ACVR2A: variants seen among roughly 807,000 people sequenced by gnomAD.
ACVR2A encodes activin receptor type-2A.
A neutral mutation model predicts 61.4 loss-of-function variants in ACVR2A; 7 were observed. That is an observed-to-expected ratio of 0.11 (90% CI 0.06 to 0.21). ACVR2A has a LOEUF of 0.21. Among genes scored for constraint, ACVR2A ranks in the 10% least tolerant of loss-of-function variants. The pLI is 1.00. For missense variants in ACVR2A, 322 were observed against 621.7 expected, an observed-to-expected ratio of 0.52 and a Z score of 5.13; for synonymous variants, 193 against 208.3, an observed-to-expected ratio of 0.93 and a Z score of 0.63.
At chr2:147,897,683 A>G (rs1409839539) in intron 2 of ACVR2A, among the ~76,000 whole-genome samples, 2 of 152,206 alleles carry the variant, frequency 1.3e-5, no homozygotes, top group Non-Finnish European at 2.9e-5. Flanking sequence ...CTAAGAGCAA[A>G]ATGCATTGAA....
intron 1 of ACVR2A, among the ~76,000 whole-genome samples, chr2:147,868,709 A>C (rs932705324): frequency 1.4e-4 from 22 of 151,752 alleles, no homozygotes; most frequent in African/African-American, 5.3e-4. Flanking sequence ...ATGGCTTACT[A>C]CAGCCTCCAC....
At position 147,918,599 on chromosome 2, in the gene ACVR2A, T is replaced by C; in HGVS notation, c.962+7T>C. On this transcript the variant is annotated splice_region_variant and intron_variant, in intron 7 of 10. Transcript: ENST00000241416. ...AACCTGCCATATCTCACAGGTAGACTAAATTTATATTGTTTTCCCAGATAA... is the reference window on the plus strand; with the variant it reads ...AACCTGCCATATCTCACAGGTAGACCAAATTTATATTGTTTTCCCAGATAA... 2 of 1,591,964 alleles carry C rather than the reference T, an allele frequency of 1.3e-6. No homozygotes were observed. Among genetic ancestry groups the C allele is most frequent in the Non-Finnish European group, 1.7e-6 (2 of 1,172,234 alleles).
chr2:147,892,981 CATATT>C (rs1686627489), intron 1 of ACVR2A, among the ~76,000 whole-genome samples: 1 of 152,000 alleles, frequency 6.6e-6, no homozygotes, highest in Non-Finnish European at 1.5e-5. Flanking sequence ...ATGAACCATA[CATATT>C]ATACAATCAT....
intron 1 of ACVR2A, among the ~76,000 whole-genome samples, chr2:147,855,495 C>T (rs1685548709): frequency 6.6e-6 from 1 of 152,168 alleles, no homozygotes; most frequent in Non-Finnish European, 1.5e-5. Context: ...ATCTGAAAAA[C>T]ATACTGGAAG....
At chr2:147,924,910 C>T (rs1363705534) in intron 9 of ACVR2A, among the ~76,000 whole-genome samples, 1 of 151,822 alleles carries the variant, frequency 6.6e-6, no homozygotes, top group East Asian at 1.9e-4. Context: ...CTTAGAATGT[C>T]GGTACTTTGT....
At chr2:147,913,672 C>CT (rs1236398264) in intron 4 of ACVR2A, among the ~76,000 whole-genome samples, 1 of 151,374 alleles carries the variant, frequency 6.6e-6, no homozygotes, top group Non-Finnish European at 1.5e-5. Flanking sequence ...TAAAAACTCT[C>CT]TAGAGGTTCT....
chr2:147,893,985 T>C (rs1686660842), intron 1 of ACVR2A, among the ~76,000 whole-genome samples: 1 of 152,172 alleles, frequency 6.6e-6, no homozygotes, highest in African/African-American at 2.4e-5. Flanking sequence ...GGAAGTTTAA[T>C]AGTTTCAGGT....
rs1340759058 is a variant in ACVR2A at position 147,927,454 on chromosome 2, A to C, written c.*180A>C. On this transcript the variant is annotated 3_prime_UTR_variant, in exon 11 of 11. Coordinates refer to ENST00000241416, the MANE Select transcript of ACVR2A (RefSeq NM_001616.5). The stretch of plus-strand genomic sequence containing the variant: ...GGAGACTTACTGCATTGCCGACAGC[A>C]CAGATGTGAAGGACATGAGACTAAG... 1 of 574,776 alleles carries C rather than the reference A, an allele frequency of 1.7e-6. No individual in the cohort carries two copies. The highest frequency in any genetic ancestry group is 3.7e-5 in the Admixed American group (1 of 27,162). 35.6% of individuals were successfully genotyped at this position (574,776 alleles called of 1,614,324 possible). A position where few individuals can be genotyped will look rare whatever the true frequency, so the allele number is the denominator to read the frequency against.
chr2:147,869,030 A>G (rs113544138), intron 1 of ACVR2A, among the ~76,000 whole-genome samples: 130 of 152,266 alleles, frequency 8.5e-4, no homozygotes, highest in African/African-American at 3.0e-3. Context: ...CATTTTGGGT[A>G]TAAGTACTTT....
At position 147,922,853 on chromosome 2, in the gene ACVR2A, A is replaced by G. The variant is rs1369795085; in HGVS notation, c.1078-120A>G. 6 of 921,038 alleles carry G rather than the reference A, an allele frequency of 6.5e-6. 1 individual carries two copies. The highest frequency in any genetic ancestry group is 1.0e-5 in the Non-Finnish European group (6 of 601,122). 57.1% of individuals were successfully genotyped at this position (921,038 alleles called of 1,614,324 possible). A position where few individuals can be genotyped will look rare whatever the true frequency, so the allele number is the denominator to read the frequency against. On this transcript the variant is annotated intron_variant, in intron 8 of 10. Transcript: ENST00000241416. ...GAAAGGATCTTTCTATTTATACGCT[A>G]TAGTGTGTATACCTTACCCTGGTAA... is the stretch of plus-strand genomic sequence containing the variant.
chr2:147,912,316 G>C (rs1327762593), intron 4 of ACVR2A, among the ~76,000 whole-genome samples: 2 of 152,008 alleles, frequency 1.3e-5, no homozygotes, highest in Non-Finnish European at 2.9e-5. Context: ...AATGTAATCA[G>C]AACTGTGTTT....
chr2:147,920,838 G>T (rs1687362531), intron 8 of ACVR2A, among the ~76,000 whole-genome samples: 2 of 151,906 alleles, frequency 1.3e-5, no homozygotes, highest in South Asian at 4.2e-4. Flanking sequence ...ATTCTCTCCA[G>T]AGTTCAGAGC....
chr2:147,844,694 G>C (rs1373996989), upstream of ACVR2A: 2 of 150,180 alleles, frequency 1.3e-5, no homozygotes, highest in African/African-American at 4.9e-5. Flanking sequence ...GACTTTAGGT[G>C]TCTGGGTTGA....
rs558662777 is a variant in ACVR2A, at chr2:147,847,461, T to A, written c.55+2254T>A. The stretch of plus-strand genomic sequence containing the variant: ...GAGGTGACTATTTTTATGAGAATTT[T>A]AAAAATTCTCAGGTTGTCAGTTTTT... On this transcript the variant is annotated intron_variant, in intron 1 of 10. Transcript: ENST00000241416. Among the ~76,000 whole-genome samples, 9 of 152,210 alleles carry A rather than the reference T, an allele frequency of 5.9e-5. No individual in the cohort carries two copies. The East Asian group carries it at 1.7e-3, about 29-fold the overall frequency.
chr2:147,871,770 G>C (rs1686024925), intron 1 of ACVR2A, among the ~76,000 whole-genome samples: 1 of 151,898 alleles, frequency 6.6e-6, no homozygotes, highest in Admixed American at 6.6e-5. Flanking sequence ...AGACAAACTT[G>C]CCTTCTACTC....
chr2:147,853,329 A>G (rs1204383047), intron 1 of ACVR2A, among the ~76,000 whole-genome samples: 2 of 152,152 alleles, frequency 1.3e-5, no homozygotes, highest in South Asian at 2.1e-4. Context: ...AATTCTAAAC[A>G]TTAGTGGCTC....
chr2:147,922,091 C>T (rs1687394213), intron 8 of ACVR2A, among the ~76,000 whole-genome samples: 1 of 126,474 alleles, frequency 7.9e-6, no homozygotes, highest in Non-Finnish European at 1.8e-5. Flanking sequence ...TTTAGGGAAA[C>T]ATTCACTGAT....
chr2:147,873,892 T>C (rs1686089573), intron 1 of ACVR2A, among the ~76,000 whole-genome samples: 1 of 151,974 alleles, frequency 6.6e-6, no homozygotes, highest in Non-Finnish European at 1.5e-5. Context: ...AGAGAAGTAG[T>C]TATTCATGAA....
At chr2:147,887,807 A>G (rs563281045) in intron 1 of ACVR2A, among the ~76,000 whole-genome samples, 236 of 152,330 alleles carry the variant, frequency 1.5e-3, no homozygotes, top group Non-Finnish European at 2.8e-3. Flanking sequence ...TGATTTAAAA[A>G]TCAGTGAGTA....
Sources: allele counts gnomAD v4.1 joint callset (sites outside exome capture counted in the v4.1 genomes callset), GRCh38; gene constraint gnomAD v4.1.1; transcripts MANE v1.5; gene names NCBI Gene and HGNC (gene_info 2026-07-23, HGNC 2026-07-21).